COL25A1: variants seen among roughly 807,000 people sequenced by gnomAD.
COL25A1 encodes collagen type XXV alpha 1 chain.
Under a neutral mutation model 128.4 loss-of-function variants are expected in COL25A1, and 103 were observed. That is an observed-to-expected ratio of 0.80 (90% CI 0.68 to 0.94). The LOEUF (loss-of-function observed/expected upper bound fraction) is 0.94, where lower values mean the gene tolerates loss of function less well. Among genes scored for constraint, COL25A1 ranks in the 40% least tolerant of loss-of-function variants. The pLI, the probability that COL25A1 is intolerant of heterozygous loss-of-function variation, is 0.00. For missense variants in COL25A1, 745 were observed against 840.0 expected, an observed-to-expected ratio of 0.89 and a Z score of 1.40; for synonymous variants, 279 against 277.2, an observed-to-expected ratio of 1.01 and a Z score of -0.06.
intron 3 of COL25A1, among the ~76,000 whole-genome samples, chr4:109,075,069 T>C (rs1338220350): frequency 6.6e-6 from 1 of 152,076 alleles, no homozygotes; most frequent in Non-Finnish European, 1.5e-5. Context: ...GTAACACAAG[T>C]CCTCTAAAAG....
chr4:109,065,553 T>C (rs542877264), intron 3 of COL25A1, among the ~76,000 whole-genome samples: 1,834 of 145,104 alleles, frequency 0.013, 25 homozygotes, highest in Middle Eastern at 0.054. Context: ...CGCGTGTGTG[T>C]GTGTGTGTGT....
chr4:109,126,901 G>A (rs1768674692), intron 3 of COL25A1, among the ~76,000 whole-genome samples: 1 of 148,220 alleles, frequency 6.7e-6, no homozygotes, highest in Non-Finnish European at 1.5e-5. Context: ...AAAACTTAAA[G>A]TATAATAATA....
chr4:108,819,474 T>C (rs1731564415), intron 35 of COL25A1, 145 bp from the exon 36 acceptor site: 3 of 632,450 alleles, frequency 4.7e-6, no homozygotes, highest in Non-Finnish European at 8.1e-6. Flanking sequence ...TTGGGCAAAG[T>C]AAAATGGAGG....
intron 3 of COL25A1, among the ~76,000 whole-genome samples, chr4:109,141,141 G>A (rs1315942838): frequency 6.6e-6 from 1 of 152,158 alleles, no homozygotes; most frequent in Non-Finnish European, 1.5e-5. Flanking sequence ...TTTTTAGCAT[G>A]CAGGGTGTTG....
intron 30 of COL25A1, among the ~76,000 whole-genome samples, chr4:108,843,889 C>CTAT (rs5860951): frequency 2.0e-3 from 296 of 149,300 alleles, no homozygotes; most frequent in African/African-American, 8.9e-4. Flanking sequence ...GCTATTATTA[C>CTAT]TATTATTATT....
At chr4:109,267,512 T>G (rs1012248546) in intron 3 of COL25A1, among the ~76,000 whole-genome samples, 1 of 152,196 alleles carries the variant, frequency 6.6e-6, no homozygotes, top group African/African-American at 2.4e-5. Flanking sequence ...TCAAACTAAA[T>G]GCATTTCCAT....
At chr4:108,847,609 T>C (rs1735266354) in intron 27 of COL25A1, among the ~76,000 whole-genome samples, 1 of 151,962 alleles carries the variant, frequency 6.6e-6, no homozygotes, top group Non-Finnish European at 1.5e-5. Flanking sequence ...AAAAGCTAGC[T>C]ACTATATCTG....
At chr4:109,247,678 C>T (rs7692025) in intron 3 of COL25A1, among the ~76,000 whole-genome samples, 7,042 of 152,190 alleles carry the variant, frequency 0.046, 375 homozygotes, top group East Asian at 0.23. Flanking sequence ...TGAAGTCAGT[C>T]TTGAACATGC....
chr4:108,941,264 C>T, intron 9 of COL25A1, 102 bp downstream of exon 9: 1 of 791,732 alleles, frequency 1.3e-6, no homozygotes, highest in South Asian at 2.4e-5. Context: ...GCCCACATAC[C>T]ACCCACACCC....
intron 3 of COL25A1, among the ~76,000 whole-genome samples, chr4:109,167,656 T>G (rs1773199033): frequency 6.6e-6 from 1 of 152,164 alleles, no homozygotes; most frequent in Admixed American, 6.5e-5. Context: ...TCTCTCTCCC[T>G]TGTTTTTGAG....
In COL25A1 at chr4:109,048,185, G is replaced by T; in HGVS notation, c.413-10C>A. 6.2e-7 allele frequency: 1 copy of T among 1,610,980 alleles called. No homozygotes were observed. Among genetic ancestry groups the T allele is most frequent in the South Asian group, 1.1e-5 (1 of 90,968 alleles). On this transcript the variant is annotated splice_polypyrimidine_tract_variant and intron_variant, in intron 4 of 37. Coordinates refer to ENST00000399132, the MANE Select transcript of COL25A1 (RefSeq NM_198721.4). Reference sequence around the variant, plus strand: ...ATACTTACAGGAGGACCTATGGGGGGAGCAGGTGGAGAGAGAAGAGAGAGA... The same window carrying T: ...ATACTTACAGGAGGACCTATGGGGGTAGCAGGTGGAGAGAGAAGAGAGAGA...
intron 6 of COL25A1, among the ~76,000 whole-genome samples, chr4:108,994,717 G>T (rs558264790): frequency 1.4e-4 from 22 of 152,286 alleles, no homozygotes; most frequent in African/African-American, 4.8e-4. Flanking sequence ...AGTAGGGGCC[G>T]ACAGACACCT....
intron 13 of COL25A1, among the ~76,000 whole-genome samples, chr4:108,915,449 C>T (rs1288529575): frequency 6.6e-6 from 1 of 152,178 alleles, no homozygotes; most frequent in Admixed American, 6.5e-5. Flanking sequence ...AATCCTCCTG[C>T]CTTAGCCTCT....
At chr4:109,148,831 T>C (rs1771197297) in intron 3 of COL25A1, among the ~76,000 whole-genome samples, 1 of 152,138 alleles carries the variant, frequency 6.6e-6, no homozygotes, top group Non-Finnish European at 1.5e-5. Context: ...TGCCCAGCCT[T>C]CTCACCTTTC....
At position 108,822,043 on chromosome 4, in the gene COL25A1, A is replaced by ATTTTTTTTTTTTTTTTTTTTTTTT. The variant is rs10567518; in HGVS notation, c.1845+2130_1845+2131insAAAAAAAAAAAAAAAAAAAAAAAA. On this transcript the variant is annotated intron_variant, in intron 35 of 37. Coordinates refer to ENST00000399132, the MANE Select transcript of COL25A1 (RefSeq NM_198721.4). The stretch of plus-strand genomic sequence containing the variant: ...AAACGTGAGTATCCTCCTAATGGTA[A>ATTTTTTTTTTTTTTTTTTTTTTTT]TTTTTTTTTTTTTTTTTGGGACAGG... Among the ~76,000 whole-genome samples the ATTTTTTTTTTTTTTTTTTTTTTTT allele has an allele frequency of 4.4e-5, 4 of 89,990 alleles. 1 individual carries two copies. Among genetic ancestry groups the ATTTTTTTTTTTTTTTTTTTTTTTT allele is most frequent in the Admixed American group, 1.5e-4 (1 of 6,896 alleles). The allele number at this position is 89,990 out of a possible 152,430, so 59.0% of individuals were successfully genotyped here. A position where few individuals can be genotyped will look rare whatever the true frequency, so the allele number is the denominator to read the frequency against.
intron 4 of COL25A1, 82 bp from the exon 5 acceptor site, chr4:109,048,257 G>C: frequency 7.6e-7 from 1 of 1,321,978 alleles, no homozygotes; most frequent in Non-Finnish European, 1.1e-6. Context: ...CAAAAGATAT[G>C]AGCATAATCA....
chr4:109,093,025 G>A (rs1342983695), intron 3 of COL25A1, among the ~76,000 whole-genome samples: 2 of 151,736 alleles, frequency 1.3e-5, no homozygotes, highest in Non-Finnish European at 2.9e-5. Context: ...TAAAATTACA[G>A]TCACTTTTTT....
chr4:109,168,469 A>G (rs1392105950), intron 3 of COL25A1, among the ~76,000 whole-genome samples: 3 of 152,210 alleles, frequency 2.0e-5, no homozygotes, highest in Non-Finnish European at 4.4e-5. Flanking sequence ...TACAAATAGG[A>G]AAAGATAATT....
intron 35 of COL25A1, among the ~76,000 whole-genome samples, chr4:108,822,934 G>A (rs924939609): frequency 6.6e-6 from 1 of 152,076 alleles, no homozygotes; most frequent in African/African-American, 2.4e-5. Context: ...TATAGCTCTT[G>A]GGAAAGCACA....
Sources: gnomAD v4.1 joint callset for allele counts (sites outside exome capture counted in the v4.1 genomes callset) on GRCh38, gnomAD v4.1.1 for gene constraint, MANE v1.5 for transcripts, NCBI Gene and HGNC (gene_info 2026-07-23, HGNC 2026-07-21) for gene names.